FMN1: variants seen among roughly 807,000 people sequenced by gnomAD.
FMN1 encodes the protein formin 1, also known as formin-1.
In FMN1, 110 loss-of-function variants were observed where a neutral mutation model predicts 132.4. That is an observed-to-expected ratio of 0.83 (90% CI 0.71 to 0.97). FMN1 has a LOEUF of 0.97. Among genes scored for constraint, FMN1 ranks in the 50% least tolerant of loss-of-function variants. FMN1 has a pLI of 0.00. For synonymous variants in FMN1, 722 were observed against 651.7 expected (o/e 1.11, Z -1.64); for missense variants, 1,792 against 1,705.3 (o/e 1.05, Z -0.90).
chr15:32,919,759 T>C (rs2060775785), intron 10 of FMN1, among the ~76,000 whole-genome samples: 2 of 152,226 alleles, frequency 1.3e-5, no homozygotes, highest in Admixed American at 6.5e-5. Context: ...AGGAAAGTCC[T>C]AGATAAGTTA....
intron 5 of FMN1, among the ~76,000 whole-genome samples, chr15:33,069,635 G>C (rs1044088572): frequency 6.6e-6 from 1 of 152,144 alleles, no homozygotes; most frequent in African/African-American, 2.4e-5. Flanking sequence ...AATTCTGATT[G>C]CAAAAATACA....
intron 5 of FMN1, among the ~76,000 whole-genome samples, chr15:33,074,456 A>C (rs997751932): frequency 2.6e-5 from 4 of 152,212 alleles, no homozygotes; most frequent in Admixed American, 1.3e-4. Flanking sequence ...TAAAAAGAAA[A>C]CAGGCAGCAC....
chr15:32,889,248 T>A (rs146312235), intron 15 of FMN1, among the ~76,000 whole-genome samples: 1 of 152,334 alleles, frequency 6.6e-6, no homozygotes, highest in East Asian at 1.9e-4. Context: ...CTGAGAAACA[T>A]CTTGAAGGAC....
At chr15:32,881,448 TCTA>T (rs1364038414) in intron 16 of FMN1, among the ~76,000 whole-genome samples, 1 of 152,184 alleles carries the variant, frequency 6.6e-6, no homozygotes, top group Non-Finnish European at 1.5e-5. Context: ...TTTAAAGAAT[TCTA>T]CTATCGTTCT....
chr15:32,960,692 A>G (rs933134043), intron 9 of FMN1, among the ~76,000 whole-genome samples: 4 of 152,034 alleles, frequency 2.6e-5, no homozygotes, highest in African/African-American at 9.7e-5. Context: ...GAACCCCATG[A>G]TGTAATTTAA....
intron 17 of FMN1, among the ~76,000 whole-genome samples, chr15:32,805,681 T>G (rs942665151): frequency 6.6e-6 from 1 of 152,344 alleles, no homozygotes; most frequent in African/African-American, 2.4e-5. Flanking sequence ...TAGGGAAATC[T>G]TGGGTAGATC....
intron 5 of FMN1, among the ~76,000 whole-genome samples, chr15:33,081,145 G>A (rs1219496329): frequency 6.6e-6 from 1 of 152,148 alleles, no homozygotes; most frequent in African/African-American, 2.4e-5. Context: ...TTGGAAACTT[G>A]AAGTGGTTCC....
At chr15:32,899,438 G>A (rs779372118) in intron 14 of FMN1, among the ~76,000 whole-genome samples, 1 of 152,090 alleles carries the variant, frequency 6.6e-6, no homozygotes, top group Non-Finnish European at 1.5e-5. Context: ...TCCCCTCCCT[G>A]CACCCCCCTG....
chr15:33,185,111 G>A (rs1965834957), intron 2 of FMN1, among the ~76,000 whole-genome samples: 1 of 152,168 alleles, frequency 6.6e-6, no homozygotes, highest in African/African-American at 2.4e-5. Context: ...ATTATTGAAG[G>A]TTAGCATCTG....
intron 10 of FMN1, among the ~76,000 whole-genome samples, chr15:32,921,360 T>C (rs1162642413): frequency 6.6e-6 from 1 of 152,162 alleles, no homozygotes; most frequent in Non-Finnish European, 1.5e-5. Flanking sequence ...AAGACCACTG[T>C]AGTTGGCTAG....
intron 9 of FMN1, among the ~76,000 whole-genome samples, chr15:32,956,519 A>C (rs914241465): frequency 6.6e-6 from 1 of 152,020 alleles, no homozygotes; most frequent in South Asian, 2.1e-4. Context: ...GGAGTCCTTA[A>C]ACTGAAGAAC....
chr15:33,059,034 C>A (rs28696027), intron 6 of FMN1, among the ~76,000 whole-genome samples: 1 of 152,194 alleles, frequency 6.6e-6, no homozygotes, highest in African/African-American at 2.4e-5. Context: ...ATCAACAACT[C>A]TCCATTCCCT....
intron 4 of FMN1, among the ~76,000 whole-genome samples, chr15:33,097,237 G>A (rs917629750): frequency 6.6e-6 from 1 of 151,684 alleles, no homozygotes; most frequent in African/African-American, 2.4e-5. Flanking sequence ...CTGGGAGGTT[G>A]AGGCTGCAGT....
intron 18 of FMN1, among the ~76,000 whole-genome samples, chr15:32,802,856 G>A (rs958613530): frequency 6.6e-6 from 1 of 152,130 alleles, no homozygotes; most frequent in African/African-American, 2.4e-5. Flanking sequence ...ATAGGAATAA[G>A]GTCAATAGAG....
rs541528529 is a variant in FMN1, at chr15:32,912,087, C to T, written c.3227-1552G>A. ...AGGTCAAATTCTAAACAATAATCTA[C>T]CAAAAATGTTTACATGTTAACTAAT... On this transcript the variant is annotated intron_variant, in intron 10 of 20. Coordinates refer to ENST00000616417, the MANE Select transcript of FMN1 (RefSeq NM_001277313.2). Among the ~76,000 whole-genome samples the T allele has an allele frequency of 3.0e-4, 46 of 152,274 alleles. No individual in the cohort carries two copies. In the Middle Eastern group the frequency reaches 0.014, roughly 45 times the overall value.
At chr15:32,964,281 A>G in intron 8 of FMN1, 24 bp from the exon 9 acceptor site, 1 of 1,516,240 alleles carries the variant, frequency 6.6e-7, no homozygotes, top group East Asian at 2.3e-5. Flanking sequence ...ATGACAAGTT[A>G]ACCATAAGAA....
At chr15:32,887,314 G>T (rs1006938228) in intron 16 of FMN1, among the ~76,000 whole-genome samples, 3 of 151,930 alleles carry the variant, frequency 2.0e-5, no homozygotes, top group Non-Finnish European at 1.5e-5. Context: ...ACATTAACAC[G>T]CTCTCTAAAT....
intron 5 of FMN1, among the ~76,000 whole-genome samples, chr15:33,073,854 C>CT (rs1238830031): frequency 6.6e-6 from 1 of 152,098 alleles, no homozygotes; most frequent in African/African-American, 2.4e-5. Context: ...CCTCAGCCTC[C>CT]TGAGCACCTG....
At chr15:32,933,372 T>TA (rs1158721804) in intron 9 of FMN1, among the ~76,000 whole-genome samples, 1 of 152,206 alleles carries the variant, frequency 6.6e-6, no homozygotes, top group Admixed American at 6.5e-5. Context: ...AAAAATTTGT[T>TA]AAGGCTTGTT....
Sources: allele counts gnomAD v4.1 joint callset (sites outside exome capture counted in the v4.1 genomes callset), GRCh38; gene constraint gnomAD v4.1.1; transcripts MANE v1.5; gene names NCBI Gene and HGNC (gene_info 2026-07-23, HGNC 2026-07-21).